VPS4B: variants seen among roughly 807,000 people sequenced by gnomAD.
VPS4B encodes vacuolar protein sorting 4 homolog B.
VPS4B carries 23 observed loss-of-function variants against 56.1 expected under a neutral mutation model. The observed-to-expected ratio is 0.41, with a 90% confidence interval of 0.30 to 0.58. VPS4B has a LOEUF of 0.58. Among genes scored for constraint, VPS4B ranks in the 20% least tolerant of loss-of-function variants. The probability of loss-of-function intolerance (pLI) is 0.29; values close to 1 mark genes in which losing one functional copy is unlikely to be tolerated. For missense variants in VPS4B, 372 were observed against 531.9 expected (o/e 0.70, Z 2.96); for synonymous variants, 177 against 186.0 (o/e 0.95, Z 0.39).
intron 9 of VPS4B, among the ~76,000 whole-genome samples, chr18:63,394,616 G>A (rs1046474775): frequency 5.3e-5 from 8 of 152,092 alleles, no homozygotes; most frequent in African/African-American, 1.4e-4. Flanking sequence ...ATAGGCGCCC[G>A]CCCTGACGCC....
At chr18:63,393,644 T>C (rs1020739397) in intron 9 of VPS4B, 95 bp from the exon 10 acceptor site, 63 of 1,187,734 alleles carry the variant, frequency 5.3e-5, no homozygotes, top group Non-Finnish European at 6.8e-5. Flanking sequence ...ATAATAGTTT[T>C]GTATGTTTTA....
chr18:63,390,859 A>T lies in VPS4B; in HGVS notation c.*116T>A. The T allele has an allele frequency of 1.5e-6, 1 of 651,754 alleles. No homozygotes were observed. Among genetic ancestry groups the T allele is most frequent in the Non-Finnish European group, 2.6e-6 (1 of 378,478 alleles). 40.4% of individuals were successfully genotyped at this position (651,754 alleles called of 1,614,324 possible). ...AAACCTAATGGAACTCTGAAGTGAG[A>T]TGTGTATTTCCCTGTGGTAAAAGAG... On this transcript the variant is annotated 3_prime_UTR_variant, in exon 11 of 11. Transcript: ENST00000238497.
At chr18:63,407,294 G>A (rs896897641) in intron 4 of VPS4B, 138 bp downstream of exon 4, 12 of 729,648 alleles carry the variant, frequency 1.6e-5, no homozygotes, top group Non-Finnish European at 2.7e-5. Flanking sequence ...AACAAAGCCA[G>A]CACATGACTA....
chr18:63,400,756 C>A, intron 5 of VPS4B, 53 bp from the exon 6 acceptor site: 6 of 1,524,928 alleles, frequency 3.9e-6, no homozygotes, highest in African/African-American at 2.8e-5. Context: ...TTAATTGTAT[C>A]ATCTATACTG....
At chr18:63,398,510 A>G (rs367986010) in intron 8 of VPS4B, among the ~76,000 whole-genome samples, 4 of 151,296 alleles carry the variant, frequency 2.6e-5, no homozygotes, top group South Asian at 2.1e-4. Flanking sequence ...ATGAGCCACC[A>G]CACCCGGCCT....
chr18:63,415,522 A>G, intron 1 of VPS4B: 1 of 293,628 alleles, frequency 3.4e-6, no homozygotes. Context: ...CCCCTGGGTC[A>G]GGTTCCTTTT....
intron 10 of VPS4B, among the ~76,000 whole-genome samples, chr18:63,393,014 G>A (rs1915588642): frequency 6.6e-6 from 1 of 152,140 alleles, no homozygotes; most frequent in Non-Finnish European, 1.5e-5. Context: ...CCAAAGTGCT[G>A]GGATTACAGG....
chr18:63,416,255 C>T (rs537077391), intron 1 of VPS4B: 13 of 213,300 alleles, frequency 6.1e-5, no homozygotes, highest in African/African-American at 3.0e-4. Flanking sequence ...TTCCCTTATA[C>T]AGGAGCCCTG....
chr18:63,400,495 T>C, intron 6 of VPS4B, 52 bp downstream of exon 6: 7 of 1,534,660 alleles, frequency 4.6e-6, no homozygotes. Context: ...TAAGGAGTGA[T>C]ACAGTAATTA....
In VPS4B at chr18:63,400,591, T is replaced by G; in HGVS notation, c.597A>C (p.Ile199=). The G allele has an allele frequency of 6.2e-7, 1 of 1,610,224 alleles. No homozygotes were observed. The highest frequency in any genetic ancestry group is 8.5e-7 in the Non-Finnish European group (1 of 1,179,122). ...TEANNSTFFS[I]SSSDLVSKWL... The stretch of plus-strand genomic sequence containing the variant: ...ACTTAGAAACAAGATCAGAGGAAGA[T>G]ATTGAAAAAAATGTTGAGTTGTTGG... Residue 199 remains isoleucine, a synonymous_variant, in exon 6 of 11, where the codon ATA becomes ATC. Transcript: ENST00000238497.
chr18:63,415,883 T>A (rs983258940), intron 1 of VPS4B: 5 of 199,074 alleles, frequency 2.5e-5, no homozygotes, highest in Non-Finnish European at 4.3e-5. Context: ...AACAGTGTCT[T>A]CCCAGTGCCT....
chr18:63,400,690 A>C lies in VPS4B; in HGVS notation c.498T>G (p.Pro166=). The stretch of plus-strand genomic sequence containing the variant: ...GCCCAAATAATAGGATTCCCCTCCA[A>C]GGTGTTCTCTTGCCTAAAATTTAGA... ...FPHLFTGKRT[P]WRGILLFGPP... The change falls in exon 6 of 11, where the codon CCT becomes CCG. Residue 166 remains proline (P), a synonymous_variant. Coordinates refer to ENST00000238497, the MANE Select transcript of VPS4B (RefSeq NM_004869.4). The C allele has an allele frequency of 6.2e-7, 1 of 1,601,832 alleles. No homozygotes were observed. The highest frequency in any genetic ancestry group is 8.5e-7 in the Non-Finnish European group (1 of 1,177,322).
chr18:63,393,072 A>G (rs1200584907), intron 10 of VPS4B, among the ~76,000 whole-genome samples: 1 of 152,120 alleles, frequency 6.6e-6, no homozygotes, highest in Non-Finnish European at 1.5e-5. Context: ...GAAAAAAAAT[A>G]TTTCACCAAC....
chr18:63,394,900 C>A (rs116697367), intron 9 of VPS4B, among the ~76,000 whole-genome samples: 6 of 152,148 alleles, frequency 3.9e-5, no homozygotes, highest in Non-Finnish European at 8.8e-5. Flanking sequence ...AATATTTTAG[C>A]TGCATGAGGT....
chr18:63,416,556 T>A (rs1370550076), intron 1 of VPS4B: 1 of 152,250 alleles, frequency 6.6e-6, no homozygotes, highest in Non-Finnish European at 1.5e-5. Flanking sequence ...GCTGCTATCA[T>A]ATATGTCAAA....
rs962597419 is a variant in VPS4B, at chr18:63,390,655, T to C, written c.*320A>G. On this transcript the variant is annotated 3_prime_UTR_variant, in exon 11 of 11. Transcript: ENST00000238497. Reference sequence around the variant, plus strand: ...AAAAAAAGAAAATATAAATGCTCTTTGCAAAGACCACCATTCATAAAAATT... The same window carrying C: ...AAAAAAAGAAAATATAAATGCTCTTCGCAAAGACCACCATTCATAAAAATT... 6.1e-6 allele frequency: 1 copy of C among 163,614 alleles called. No homozygotes were observed. The highest frequency in any genetic ancestry group is 2.4e-5 in the African/African-American group (1 of 41,834). The allele number at this position is 163,614 out of a possible 1,614,324, so 10.1% of individuals were successfully genotyped here.
rs1915904711 is a variant in VPS4B at position 63,405,825 on chromosome 18, A to C, written c.364+1607T>G. 2.1e-5 allele frequency among the ~76,000 whole-genome samples: 3 copies of C among 143,224 alleles called. 1 individual carries two copies. Among genetic ancestry groups the C allele is most frequent in the South Asian group, 4.3e-4 (2 of 4,598 alleles). 94.0% of individuals were successfully genotyped at this position (143,224 alleles called of 152,430 possible). A position where few individuals can be genotyped will look rare whatever the true frequency, so the allele number is the denominator to read the frequency against. ...CAAACAAACAAACAAACAAACAAACAAAAAAAAAAACTTAGCCGGGCATGG... is the reference window on the plus strand; with the variant it reads ...CAAACAAACAAACAAACAAACAAACCAAAAAAAAAACTTAGCCGGGCATGG... On this transcript the variant is annotated intron_variant, in intron 4 of 10. Coordinates refer to ENST00000238497, the MANE Select transcript of VPS4B (RefSeq NM_004869.4).
At chr18:63,396,860 C>T (rs1378258131) in intron 9 of VPS4B, 174 bp downstream of exon 9, 8 of 606,944 alleles carry the variant, frequency 1.3e-5, no homozygotes, top group Non-Finnish European at 2.3e-5. Flanking sequence ...CGTGGTGGCA[C>T]ACGCCTGTAA....
intron 1 of VPS4B, chr18:63,415,643 G>A (rs536929055): frequency 4.1e-6 from 1 of 245,346 alleles, no homozygotes; most frequent in South Asian, 6.4e-5. Context: ...CCTCAAAGCT[G>A]TCCAGTTGGT....
Sources: allele counts gnomAD v4.1 joint callset (sites outside exome capture counted in the v4.1 genomes callset), GRCh38; gene constraint gnomAD v4.1.1; transcripts MANE v1.5; gene names NCBI Gene and HGNC (gene_info 2026-07-23, HGNC 2026-07-21).